The following CDH12 variants were observed in gnomAD, a reference collection of about 807,000 sequenced individuals.
The protein encoded by CDH12 is cadherin 12.
In CDH12, 41 loss-of-function variants were observed where a neutral mutation model predicts 74.1. The observed-to-expected ratio is 0.55, with a 90% CI of 0.43 to 0.72. The LOEUF (loss-of-function observed/expected upper bound fraction) is 0.72. Among genes scored for constraint, CDH12 ranks in the 30% least tolerant of loss-of-function variants. CDH12 has a pLI of 0.00. For missense variants in CDH12, 945 were observed against 977.2 expected (o/e 0.97, Z 0.44); for synonymous variants, 399 against 355.0 (o/e 1.12, Z -1.39).
chr5:22,775,299 A>G (rs1160292427), intron 1 of CDH12, among the ~76,000 whole-genome samples: 1 of 152,014 alleles, frequency 6.6e-6, no homozygotes, highest in Non-Finnish European at 1.5e-5. Flanking sequence ...TCAAAACTAG[A>G]TTTGTGTCAT....
intron 4 of CDH12, among the ~76,000 whole-genome samples, chr5:22,093,202 G>T (rs1049019014): frequency 6.6e-6 from 1 of 152,180 alleles, no homozygotes; most frequent in Non-Finnish European, 1.5e-5. Flanking sequence ...TTACTAGCAG[G>T]TGTGGGGTGA....
At chr5:22,293,153 C>A (rs936504488) in intron 3 of CDH12, among the ~76,000 whole-genome samples, 2 of 152,148 alleles carry the variant, frequency 1.3e-5, no homozygotes, top group African/African-American at 4.8e-5. Context: ...GCTGCTGTAG[C>A]CCCTACCCCT....
rs535812201 is a variant in CDH12 at position 22,612,095 on chromosome 5, CCTCACTCATGGTCTAAAGA to C, written c.-522-106750_-522-106732del. ...TTGGCCCTTACTTATTGGTTATATG[CCTCACTCATGGTCTAAAGA>C]CTTGCTAATTTAAATAGCCATGTTT... On this transcript the variant is annotated intron_variant, in intron 1 of 14. Transcript: ENST00000382254. 1.5e-3 allele frequency among the ~76,000 whole-genome samples: 233 copies of C among 152,182 alleles called. 3 individuals are homozygous for C. The South Asian group carries it at 0.047, about 31-fold the overall frequency.
intron 1 of CDH12, among the ~76,000 whole-genome samples, chr5:22,698,713 A>C (rs1158222453): frequency 4.2e-5 from 1 of 23,780 alleles, no homozygotes; most frequent in African/African-American, 1.7e-4. Context: ...ATATATATAT[A>C]TATATATATA....
chr5:22,760,012 A>AT (rs1381316244), intron 1 of CDH12, among the ~76,000 whole-genome samples: 2 of 152,200 alleles, frequency 1.3e-5, no homozygotes, highest in African/African-American at 4.8e-5. Context: ...CATTCAAAGT[A>AT]TTCAATGTTA....
chr5:22,828,612 T>A lies in CDH12; in HGVS notation c.-523+24446A>T, dbSNP rs566834004. Among the ~76,000 whole-genome samples the A allele has an allele frequency of 1.6e-4, 25 of 152,294 alleles. 1 individual carries two copies. The South Asian group carries it at 4.4e-3, about 27-fold the overall frequency. ...CTAAGAATAAAGTCCGCTGAAGGAA[T>A]AAATATTTATAGTGATCATTAAACT... On this transcript the variant is annotated intron_variant, in intron 1 of 14. Transcript: ENST00000382254.
chr5:22,062,325 G>C (rs1297411353), intron 5 of CDH12, among the ~76,000 whole-genome samples: 1 of 152,106 alleles, frequency 6.6e-6, no homozygotes, highest in African/African-American at 2.4e-5. Context: ...AGGAACATTA[G>C]TATATTGTGT....
chr5:22,535,436 G>A (rs926015866), intron 1 of CDH12, among the ~76,000 whole-genome samples: 9 of 152,100 alleles, frequency 5.9e-5, no homozygotes, highest in African/African-American at 9.7e-5. Flanking sequence ...GATTACAGGC[G>A]TGAGCCAACG....
chr5:21,979,797 GT>G (rs1757227056), intron 5 of CDH12, among the ~76,000 whole-genome samples: 1 of 150,868 alleles, frequency 6.6e-6, no homozygotes, highest in Non-Finnish European at 1.5e-5. Flanking sequence ...GGATATATGT[GT>G]TTTTTACATG....
At chr5:21,811,856 G>A (rs890249261) in intron 9 of CDH12, among the ~76,000 whole-genome samples, 38 of 151,886 alleles carry the variant, frequency 2.5e-4, no homozygotes, top group African/African-American at 7.2e-4. Flanking sequence ...CTCTGAATTC[G>A]AAGTGTCACA....
intron 4 of CDH12, among the ~76,000 whole-genome samples, chr5:22,094,493 C>A (rs146218062): frequency 4.6e-5 from 7 of 151,924 alleles, no homozygotes; most frequent in African/African-American, 1.4e-4. Context: ...GGAATGTGTA[C>A]AAGGGAGAAG....
chr5:22,460,851 G>T (rs1403436075), intron 2 of CDH12, among the ~76,000 whole-genome samples: 1 of 147,306 alleles, frequency 6.8e-6, no homozygotes, highest in Non-Finnish European at 1.5e-5. Context: ...CCCCCGAGTA[G>T]CTGGGATTAC....
intron 4 of CDH12, among the ~76,000 whole-genome samples, chr5:22,205,138 C>T (rs1751150441): frequency 2.6e-5 from 4 of 152,294 alleles, no homozygotes; most frequent in Non-Finnish European, 5.9e-5. Context: ...TGTGTTAAAA[C>T]GTTAACAACA....
chr5:22,298,063 A>T (rs1371174556), intron 3 of CDH12, among the ~76,000 whole-genome samples: 2 of 151,346 alleles, frequency 1.3e-5, no homozygotes, highest in Non-Finnish European at 3.0e-5. Flanking sequence ...TAACTCTTCC[A>T]TCTAGTCCTT....
At chr5:22,781,510 T>C (rs1210149208) in intron 1 of CDH12, among the ~76,000 whole-genome samples, 1 of 152,152 alleles carries the variant, frequency 6.6e-6, no homozygotes, top group East Asian at 1.9e-4. Flanking sequence ...CACAGGACTC[T>C]TATTTCTCAT....
intron 1 of CDH12, among the ~76,000 whole-genome samples, chr5:22,586,676 TTTA>T (rs544155034): frequency 6.2e-4 from 95 of 152,054 alleles, no homozygotes; most frequent in Middle Eastern, 6.8e-3. Context: ...TTTCACAATT[TTTA>T]ATCCTGATTT....
intron 1 of CDH12, among the ~76,000 whole-genome samples, chr5:22,639,432 C>CTTTTTT (rs10706075): frequency 8.7e-6 from 1 of 115,596 alleles, no homozygotes; most frequent in Non-Finnish European, 1.8e-5. Flanking sequence ...TTTTCTTCTT[C>CTTTTTT]TTTTTTTTTT....
At chr5:22,530,637 A>G (rs962710675) in intron 1 of CDH12, among the ~76,000 whole-genome samples, 5 of 152,072 alleles carry the variant, frequency 3.3e-5, no homozygotes, top group African/African-American at 1.2e-4. Flanking sequence ...TAAAACTAAC[A>G]TTAGTGATAA....
intron 5 of CDH12, among the ~76,000 whole-genome samples, chr5:22,004,712 G>A (rs1561012086): frequency 6.6e-6 from 1 of 152,106 alleles, no homozygotes; most frequent in East Asian, 1.9e-4. Context: ...GATGTATTGG[G>A]TAATGGTGAG....
Sources: allele counts gnomAD v4.1 joint callset (sites outside exome capture counted in the v4.1 genomes callset), GRCh38; gene constraint gnomAD v4.1.1; transcripts MANE v1.5; gene names NCBI Gene and HGNC (gene_info 2026-07-23, HGNC 2026-07-21).